The following NID1 variants were observed in gnomAD, a reference collection of about 807,000 sequenced individuals.
NID1 encodes nidogen-1.
In NID1, 76 loss-of-function variants were observed where a neutral mutation model predicts 130.6. The observed-to-expected ratio is 0.58, with a 90% confidence interval of 0.48 to 0.70. The LOEUF (loss-of-function observed/expected upper bound fraction) is 0.70. NID1 is among the 30% of genes least tolerant of loss of function. NID1 has a pLI of 0.00. For synonymous variants in NID1, 665 were observed against 675.1 expected (o/e 0.98, Z 0.23); for missense variants, 1,517 against 1,664.8 (o/e 0.91, Z 1.54).
intron 3 of NID1, 72 bp downstream of exon 3, chr1:236,045,385 A>G (rs1349908492): frequency 1.4e-5 from 15 of 1,092,760 alleles, no homozygotes; most frequent in Non-Finnish European, 1.8e-5. Context: ...GTAATGATCT[A>G]TAATACACAT....
intron 1 of NID1, among the ~76,000 whole-genome samples, chr1:236,061,234 AG>A (rs1443815901): frequency 7.9e-5 from 12 of 152,320 alleles, no homozygotes; most frequent in African/African-American, 2.6e-4. Flanking sequence ...ATTAGGTGAA[AG>A]ATTAGTGGGC....
At chr1:236,047,459 A>T (rs1389649502) in intron 2 of NID1, among the ~76,000 whole-genome samples, 1 of 152,152 alleles carries the variant, frequency 6.6e-6, no homozygotes, top group East Asian at 1.9e-4. Flanking sequence ...CTTCAGGTCT[A>T]ACAACGAGTT....
At chr1:236,022,974 A>G (rs1219308997) in intron 9 of NID1, among the ~76,000 whole-genome samples, 1 of 151,222 alleles carries the variant, frequency 6.6e-6, no homozygotes, top group African/African-American at 2.4e-5. Flanking sequence ...TAGGTGAATC[A>G]CTTGAGCCCA....
chr1:236,044,125 G>C (rs1477495181), intron 3 of NID1, among the ~76,000 whole-genome samples: 3 of 152,104 alleles, frequency 2.0e-5, no homozygotes, highest in African/African-American at 7.2e-5. Context: ...GGGTGGGGAT[G>C]ATAAATCACA....
chr1:236,020,431 C>T (rs1658728220), intron 9 of NID1, among the ~76,000 whole-genome samples: 1 of 152,130 alleles, frequency 6.6e-6, no homozygotes, highest in African/African-American at 2.4e-5. Context: ...TCTACATACT[C>T]GACGATTACT....
chr1:235,978,079 C>G lies in NID1; in HGVS notation c.3623-91G>C, dbSNP rs531017147. ...GTGGGCTCCTTCTTGTGTGTGATCC[C>G]CCTTTTAGTTTCCTTGAAGCCATGC... On this transcript the variant is annotated intron_variant, in intron 19 of 19. Coordinates refer to ENST00000264187, the MANE Select transcript of NID1 (RefSeq NM_002508.3). 46 of 1,482,402 alleles carry G rather than the reference C, an allele frequency of 3.1e-5. 2 individuals carry two copies. The East Asian group carries it at 8.9e-4, about 29-fold the overall frequency. 91.8% of individuals were successfully genotyped at this position (1,482,402 alleles called of 1,614,324 possible).
intron 4 of NID1, among the ~76,000 whole-genome samples, chr1:236,038,795 C>A (rs1034351448): frequency 2.5e-5 from 3 of 118,028 alleles, no homozygotes; most frequent in South Asian, 6.0e-4. Flanking sequence ...CTATATAGGT[C>A]ATATATAATA....
chr1:236,043,659 G>T (rs184308847), intron 3 of NID1, among the ~76,000 whole-genome samples: 2 of 152,090 alleles, frequency 1.3e-5, no homozygotes, highest in Non-Finnish European at 2.9e-5. Flanking sequence ...TTAGCTGGGC[G>T]TGGTGGTGGG....
Position 235,985,549 on chromosome 1 carries a change from T to A in NID1, c.2929-44A>T, listed in dbSNP as rs373279721. 3.3e-5 allele frequency: 53 copies of A among 1,607,272 alleles called. No individual in the cohort carries two copies. The African/African-American group carries it at 6.7e-4, about 20-fold the overall frequency. On this transcript the variant is annotated intron_variant, in intron 14 of 19. Transcript: ENST00000264187. ...GGTTAGAATGGTCCATCTACAAGCA[T>A]CTGATAGTGAGAATCTTTTTGCGTG...
In NID1 at chr1:235,983,207, G is replaced by T. The variant is rs560103766; in HGVS notation, c.3056-1425C>A. ...GTGTTCTTCTGTGGACATACAAGCAGTGCAGACCCTCAGCCCCCTTTGCAT... is the reference window on the plus strand; with the variant it reads ...GTGTTCTTCTGTGGACATACAAGCATTGCAGACCCTCAGCCCCCTTTGCAT... On this transcript the variant is annotated intron_variant, in intron 15 of 19. Coordinates refer to ENST00000264187, the MANE Select transcript of NID1 (RefSeq NM_002508.3). Among the ~76,000 whole-genome samples the T allele has an allele frequency of 2.0e-5, 3 of 152,210 alleles. No homozygotes were observed. The South Asian group carries it at 6.2e-4, about 32-fold the overall frequency.
At chr1:236,032,307 T>C in intron 6 of NID1, 94 bp downstream of exon 6, 1 of 1,481,646 alleles carries the variant, frequency 6.7e-7, no homozygotes, top group Non-Finnish European at 9.2e-7. Flanking sequence ...TTCTAAGTTG[T>C]CTGCAGACTC....
intron 9 of NID1, among the ~76,000 whole-genome samples, chr1:236,022,590 G>A (rs1007447206): frequency 9.3e-5 from 14 of 150,608 alleles, no homozygotes; most frequent in African/African-American, 2.7e-4. Flanking sequence ...CATCCACCTC[G>A]GCCTCCCAAA....
chr1:235,985,192 CAAAAAAAAAAAG>C, intron 15 of NID1, among the ~76,000 whole-genome samples, 175 bp downstream of exon 15: 1 of 122,408 alleles, frequency 8.2e-6, no homozygotes, highest in South Asian at 2.5e-4. Flanking sequence ...GACTCTGTCT[CAAAAAAAAAAAG>C]AAAAAAAAAA....
chr1:235,990,815 A>G, intron 14 of NID1, 71 bp downstream of exon 14: 8 of 1,563,422 alleles, frequency 5.1e-6, no homozygotes, highest in Non-Finnish European at 7.0e-6. Flanking sequence ...TTCTGGTCTG[A>G]TATCGTCCTG....
intron 1 of NID1, among the ~76,000 whole-genome samples, chr1:236,056,146 T>A (rs1170322428): frequency 6.6e-6 from 1 of 152,110 alleles, no homozygotes; most frequent in Non-Finnish European, 1.5e-5. Flanking sequence ...TAACTCGCAA[T>A]GGATTGAAGA....
chr1:236,019,369 A>C (rs1172462766), intron 9 of NID1, among the ~76,000 whole-genome samples: 1 of 152,256 alleles, frequency 6.6e-6, no homozygotes. Context: ...AGTGACTTAG[A>C]CTGCATTGCC....
chr1:236,015,028 C>A (rs572527116), intron 10 of NID1, among the ~76,000 whole-genome samples: 2 of 152,342 alleles, frequency 1.3e-5, no homozygotes, highest in Admixed American at 1.3e-4. Context: ...TACCAATCCT[C>A]ATGAAAAGAG....
intron 1 of NID1, among the ~76,000 whole-genome samples, chr1:236,059,663 T>C (rs1659988185): frequency 6.6e-6 from 1 of 152,140 alleles, no homozygotes; most frequent in Admixed American, 6.5e-5. Context: ...ACAAAAGGAT[T>C]AGTAAATAAA....
intron 2 of NID1, among the ~76,000 whole-genome samples, chr1:236,048,208 G>A (rs1000695946): frequency 6.6e-6 from 1 of 151,484 alleles, no homozygotes; most frequent in East Asian, 1.9e-4. Flanking sequence ...GGTGGTGGTC[G>A]CCTGTAGTCC....
Sources: gnomAD v4.1 joint callset for allele counts (sites outside exome capture counted in the v4.1 genomes callset) on GRCh38, gnomAD v4.1.1 for gene constraint, MANE v1.5 for transcripts, NCBI Gene and HGNC (gene_info 2026-07-23, HGNC 2026-07-21) for gene names.